PRKN: variants seen among roughly 807,000 people sequenced by gnomAD.
The protein encoded by PRKN is parkin RBR E3 ubiquitin protein ligase.
PRKN carries 56 observed loss-of-function variants against 59.5 expected under a neutral mutation model. That is an observed-to-expected ratio of 0.94 (90% CI 0.76 to 1.18). PRKN has a LOEUF of 1.18. Among genes scored for constraint, PRKN ranks in the 50% most tolerant of loss-of-function variants. The probability of loss-of-function intolerance (pLI) is 0.00; values close to 1 mark genes in which losing one functional copy is unlikely to be tolerated. For missense variants in PRKN, 657 were observed against 596.4 expected (o/e 1.10, Z -1.06); for synonymous variants, 250 against 222.1 (o/e 1.13, Z -1.12).
intron 1 of PRKN, among the ~76,000 whole-genome samples, chr6:162,459,458 C>A (rs935718287): frequency 3.3e-5 from 5 of 152,010 alleles, no homozygotes; most frequent in African/African-American, 1.2e-4. Context: ...AAGTCTTTGG[C>A]CCACAGATCA....
chr6:162,606,328 T>G (rs1434771738), intron 1 of PRKN, among the ~76,000 whole-genome samples: 1 of 152,210 alleles, frequency 6.6e-6, no homozygotes, highest in Non-Finnish European at 1.5e-5. Context: ...TTAGAGCGCT[T>G]AGATTATAGC....
intron 1 of PRKN, among the ~76,000 whole-genome samples, chr6:162,467,712 CCTT>C (rs1389217469): frequency 2.0e-5 from 3 of 151,490 alleles, no homozygotes; most frequent in African/African-American, 7.3e-5. Flanking sequence ...GCCTCAATGG[CCTT>C]CTATTGTTCA....
chr6:162,260,055 A>T (rs893208816), intron 3 of PRKN, among the ~76,000 whole-genome samples: 6 of 152,202 alleles, frequency 3.9e-5, no homozygotes, highest in Non-Finnish European at 8.8e-5. Flanking sequence ...GATGCAACAT[A>T]TCTTTACAGA....
chr6:162,258,074 C>T lies in PRKN; in HGVS notation c.412+4451G>A, dbSNP rs533968960. 3.9e-5 allele frequency among the ~76,000 whole-genome samples: 6 copies of T among 152,294 alleles called. No individual in the cohort carries two copies. The South Asian group carries it at 1.2e-3, about 32-fold the overall frequency. Reference sequence around the variant, plus strand: ...AGTTGCTGTCGCCTCTGCCATTTGGCACACAAATGGATGCTCCCTGAGGGT... The same window carrying T: ...AGTTGCTGTCGCCTCTGCCATTTGGTACACAAATGGATGCTCCCTGAGGGT... On this transcript the variant is annotated intron_variant, in intron 3 of 11. Transcript: ENST00000366898.
rs1790738486 is a variant in PRKN, at chr6:161,470,530, G to A, written c.1083+78324C>T. 6.6e-6 allele frequency among the ~76,000 whole-genome samples: 1 copy of A among 152,216 alleles called. No homozygotes were observed. On this transcript the variant is annotated intron_variant, in intron 9 of 11. Transcript: ENST00000366898. The surrounding 1 kb of genome is among the most constrained non-coding windows in gnomAD (Gnocchi z 5.1). ...TAACCCTTTGACCCACTCAAGAGAT[G>A]TCCTATGTCTTAGAGGGTTCTGCCC...
At chr6:162,402,910 T>C (rs1165278759) in intron 2 of PRKN, among the ~76,000 whole-genome samples, 2 of 152,060 alleles carry the variant, frequency 1.3e-5, no homozygotes, top group Non-Finnish European at 2.9e-5. Context: ...CCCAAAGTGC[T>C]GGGGTTACAG....
intron 1 of PRKN, among the ~76,000 whole-genome samples, chr6:162,669,358 C>T (rs1026344356): frequency 1.3e-5 from 2 of 152,078 alleles, no homozygotes; most frequent in Admixed American, 6.6e-5. Flanking sequence ...TCTTGAGTCA[C>T]GATTGCCCCC....
At chr6:162,501,050 C>T (rs1390286433) in intron 1 of PRKN, among the ~76,000 whole-genome samples, 1 of 152,112 alleles carries the variant, frequency 6.6e-6, no homozygotes, top group African/African-American at 2.4e-5. Context: ...GCCTGTAGTA[C>T]CAACAACTCA....
chr6:162,537,872 C>T (rs963835259), intron 1 of PRKN, among the ~76,000 whole-genome samples: 1 of 152,148 alleles, frequency 6.6e-6, no homozygotes, highest in Non-Finnish European at 1.5e-5. Context: ...GGTGAAAACA[C>T]AAGTCATCAG....
chr6:162,469,340 G>T (rs1401294911), intron 1 of PRKN, among the ~76,000 whole-genome samples: 5 of 138,414 alleles, frequency 3.6e-5, no homozygotes, highest in African/African-American at 1.0e-4. Context: ...TAAGAAAGTG[G>T]GGGGGTTGCA....
At chr6:161,598,082 T>C (rs560155362) in intron 7 of PRKN, among the ~76,000 whole-genome samples, 5 of 152,158 alleles carry the variant, frequency 3.3e-5, no homozygotes, top group Non-Finnish European at 7.3e-5. Context: ...AAAATAACAT[T>C]GTCTTAATAT....
At chr6:162,379,319 G>T (rs1039249933) in intron 2 of PRKN, among the ~76,000 whole-genome samples, 1 of 152,118 alleles carries the variant, frequency 6.6e-6, no homozygotes, top group Non-Finnish European at 1.5e-5. Context: ...CTGGGAGTAG[G>T]AGTCCTCAAT....
intron 3 of PRKN, among the ~76,000 whole-genome samples, chr6:162,231,711 G>C (rs1778426079): frequency 6.6e-6 from 1 of 152,170 alleles, no homozygotes; most frequent in South Asian, 2.1e-4. Flanking sequence ...AATATGCTGA[G>C]GTTTTGGTAT....
intron 6 of PRKN, among the ~76,000 whole-genome samples, chr6:161,892,563 A>G (rs1777447624): frequency 6.6e-6 from 1 of 152,090 alleles, no homozygotes; most frequent in African/African-American, 2.4e-5. Flanking sequence ...ACAGGCTTGA[A>G]TAATTCTTCA....
At chr6:162,118,999 T>G (rs1780793636) in intron 4 of PRKN, among the ~76,000 whole-genome samples, 1 of 152,188 alleles carries the variant, frequency 6.6e-6, no homozygotes, top group Non-Finnish European at 1.5e-5. Flanking sequence ...TGAAATGAGG[T>G]ATGCCTATTG....
chr6:162,128,857 A>C (rs1781229170), intron 4 of PRKN, among the ~76,000 whole-genome samples: 1 of 152,176 alleles, frequency 6.6e-6, no homozygotes, highest in Non-Finnish European at 1.5e-5. Context: ...AACTCCTCAG[A>C]AGACACCTAA....
At chr6:162,537,020 A>G (rs1409168843) in intron 1 of PRKN, among the ~76,000 whole-genome samples, 2 of 152,178 alleles carry the variant, frequency 1.3e-5, no homozygotes, top group East Asian at 1.9e-4. Context: ...GATATTTTAT[A>G]ACTTTTAAAA....
chr6:162,198,610 A>G (rs180729277), intron 4 of PRKN, among the ~76,000 whole-genome samples: 2 of 152,222 alleles, frequency 1.3e-5, no homozygotes, highest in African/African-American at 4.8e-5. Context: ...ATACTATTGT[A>G]CCATTGAATA....
At position 161,349,449 on chromosome 6, in the gene PRKN, A is replaced by G. The variant is rs1429632192; in HGVS notation, c.*650T>C. On this transcript the variant is annotated 3_prime_UTR_variant, in exon 12 of 12. Transcript: ENST00000366898. The surrounding 1 kb of genome is among the most constrained non-coding windows in gnomAD (Gnocchi z 5.5). The stretch of plus-strand genomic sequence containing the variant: ...CACTTTGTGACAAGTTGATTTACGC[A>G]TAGTTGGTATTTCATTAATGCGATT... The G allele has an allele frequency of 4.3e-6, 1 of 231,970 alleles. No homozygotes were observed. The highest frequency in any genetic ancestry group is 6.1e-5 in the East Asian group (1 of 16,306). 14.4% of individuals were successfully genotyped at this position (231,970 alleles called of 1,614,324 possible). A position where few individuals can be genotyped will look rare whatever the true frequency, so the allele number is the denominator to read the frequency against.
Sources: allele counts gnomAD v4.1 joint callset (sites outside exome capture counted in the v4.1 genomes callset), GRCh38; gene constraint gnomAD v4.1.1; non-coding constraint Gnocchi (gnomAD v3.1); transcripts MANE v1.5; gene names NCBI Gene and HGNC (gene_info 2026-07-23, HGNC 2026-07-21).